TEX2: variants seen among roughly 807,000 people sequenced by gnomAD.
The protein encoded by TEX2 is testis-expressed protein 2.
In TEX2, 53 loss-of-function variants were observed where a neutral mutation model predicts 106.9. The ratio of observed to expected loss-of-function variants is 0.50; its 90% confidence interval spans 0.40 to 0.62. The LOEUF is 0.62. Ranked by LOEUF, TEX2 falls within the 20% of genes least tolerant of loss-of-function variation. The pLI is 0.00. For synonymous variants in TEX2, 523 were observed against 534.8 expected, an observed-to-expected ratio of 0.98 and a Z score of 0.30; for missense variants, 1,207 against 1,379.0, an observed-to-expected ratio of 0.88 and a Z score of 1.98.
intron 1 of TEX2, among the ~76,000 whole-genome samples, chr17:64,259,570 G>C (rs1555638259): frequency 6.6e-6 from 1 of 152,212 alleles, no homozygotes. Context: ...AGGGACAAGA[G>C]TCAGCCAAAG....
rs2030549635 is a variant in TEX2, at chr17:64,154,946, A to G, written c.2826T>C (p.Cys942=). Residue 942 remains cysteine, a synonymous_variant, in exon 9 of 12, where the codon TGT becomes TGC. Transcript: ENST00000584379. ...GKEGCRPRAF[C]LADSDEESSS... is the part of the protein sequence containing the mutation. ...AGGATTCCTCATCGCTGTCCGCCAG[A>G]CAGAATGCCCGGGGCCTGCAACTGG... 6.3e-7 allele frequency: 1 copy of G among 1,599,282 alleles called. No individual in the cohort carries two copies. The highest frequency in any genetic ancestry group is 1.3e-5 in the African/African-American group (1 of 74,568).
rs2033081724 is a variant in TEX2 at position 64,213,538 on chromosome 17, C to T, written c.680G>A (p.Arg227Gln). 17 of 1,614,036 alleles carry T rather than the reference C, an allele frequency of 1.1e-5. No homozygotes were observed. The highest frequency in any genetic ancestry group is 3.3e-5 in the South Asian group (3 of 91,072). ...ATAGGACACTGTATCCGACTCCTGCCGGGAAGTGTCCGTGGACAGAGACTT... is the reference window on the plus strand; with the variant it reads ...ATAGGACACTGTATCCGACTCCTGCTGGGAAGTGTCCGTGGACAGAGACTT... ...LVKSLSTDTS[R>Q]QESDTVSYKP... is the part of the protein sequence containing the mutation. Residue 227 changes from arginine to glutamine, a missense_variant, in exon 2 of 12, where the codon CGG becomes CAG. Arg to Gln is a conservative substitution (Grantham distance 43, BLOSUM62 1). This residue lies in a region of TEX2 where 1,067 missense variants were observed against 1,193.6 expected (regional missense o/e 0.89). Transcript: ENST00000584379. The surrounding 1 kb of genome is among the most constrained non-coding windows in gnomAD (Gnocchi z 4.4).
intron 1 of TEX2, among the ~76,000 whole-genome samples, chr17:64,254,142 T>G (rs1290996371): frequency 6.6e-6 from 1 of 152,198 alleles, no homozygotes; most frequent in Non-Finnish European, 1.5e-5. Flanking sequence ...TTGAGTTCTT[T>G]TCACTCAGAG....
At chr17:64,239,071 G>A (rs557874613) in intron 1 of TEX2, 2 of 152,306 alleles carry the variant, frequency 1.3e-5, no homozygotes, top group Admixed American at 1.3e-4. Context: ...AGGAAACTGA[G>A]TCAGAGAAAT....
chr17:64,235,328 G>A (rs993156261), intron 1 of TEX2, among the ~76,000 whole-genome samples: 7 of 152,336 alleles, frequency 4.6e-5, no homozygotes, highest in South Asian at 2.1e-4. Flanking sequence ...TGCCTCATGC[G>A]GATGCTTCCG....
In TEX2 at chr17:64,235,096, A is replaced by G. The variant is rs1378641619; in HGVS notation, c.-25-20854T>C. ...CCTGAACCAACAAGAACAACAATCA[A>G]CGTTTATGACTGCCAGCCCTCTAGC... On this transcript the variant is annotated intron_variant, in intron 1 of 11. Transcript: ENST00000584379. Among the ~76,000 whole-genome samples the G allele has an allele frequency of 2.0e-5, 3 of 152,308 alleles. No individual in the cohort carries two copies. The East Asian group carries it at 5.8e-4, about 29-fold the overall frequency.
At chr17:64,250,445 CATT>C (rs1222107402) in intron 1 of TEX2, among the ~76,000 whole-genome samples, 1 of 152,214 alleles carries the variant, frequency 6.6e-6, no homozygotes, top group Admixed American at 6.5e-5. Context: ...CATTTGTCAT[CATT>C]AAGTCCAACA....
chr17:64,233,179 A>G (rs2033693886), intron 1 of TEX2, among the ~76,000 whole-genome samples: 1 of 151,348 alleles, frequency 6.6e-6, no homozygotes, highest in Admixed American at 6.6e-5. Flanking sequence ...CAACTACCCC[A>G]CCCCCAAACA....
At chr17:64,169,178 A>G (rs2031282916) in intron 7 of TEX2, among the ~76,000 whole-genome samples, 1 of 152,086 alleles carries the variant, frequency 6.6e-6, no homozygotes, top group Non-Finnish European at 1.5e-5. Context: ...CACTGGGATT[A>G]CAGGCACACA....
At chr17:64,165,019 T>C (rs1404641682) in intron 7 of TEX2, among the ~76,000 whole-genome samples, 1 of 152,254 alleles carries the variant, frequency 6.6e-6, no homozygotes, top group Non-Finnish European at 1.5e-5. Flanking sequence ...CCTGCACACC[T>C]GAACTTGGTC....
intron 1 of TEX2, 138 bp from the exon 2 acceptor site, chr17:64,214,380 C>T: frequency 1.4e-6 from 1 of 713,544 alleles, no homozygotes; most frequent in South Asian, 1.9e-5. Flanking sequence ...CCGTTTTTCA[C>T]TTCATTGGGT....
intron 4 of TEX2, 144 bp from the exon 5 acceptor site, chr17:64,188,559 G>C: frequency 3.8e-6 from 5 of 1,326,972 alleles, no homozygotes; most frequent in Non-Finnish European, 5.1e-6. Flanking sequence ...GCTCACGCCT[G>C]TAATCCCAGC....
rs1567908719 is a variant in TEX2, at chr17:64,160,788, TA to T, written c.2804+12del. On this transcript the variant is annotated intron_variant, in intron 8 of 11. Transcript: ENST00000584379. ...CCAGGATTGGATTAGTAAATTCATA[TA>T]TAGCCCCTTACCCTTCTTTGCCAAT... 1 of 1,613,500 alleles carries T rather than the reference TA, an allele frequency of 6.2e-7. No homozygotes were observed. The highest frequency in any genetic ancestry group is 8.5e-7 in the Non-Finnish European group (1 of 1,179,754).
At chr17:64,179,662 C>T (rs1020120798) in intron 5 of TEX2, among the ~76,000 whole-genome samples, 5 of 152,006 alleles carry the variant, frequency 3.3e-5, no homozygotes, top group Admixed American at 6.6e-5. Context: ...GCCTAGGGTT[C>T]GCTTACGTTT....
intron 1 of TEX2, among the ~76,000 whole-genome samples, chr17:64,259,693 C>T (rs1206185715): frequency 6.6e-6 from 1 of 152,196 alleles, no homozygotes; most frequent in Non-Finnish European, 1.5e-5. Context: ...CCCAGTTAAC[C>T]ATTCATCCTG....
chr17:64,148,980 C>G lies in TEX2; in HGVS notation c.3373G>C (p.Asp1125His). 6.2e-7 allele frequency: 1 copy of G among 1,614,094 alleles called. No individual in the cohort carries two copies. The highest frequency in any genetic ancestry group is 1.3e-5 in the African/African-American group (1 of 75,040). ...TCTGACATCACCCATCATGGCTGAT[C>G]AGCAGCCTCCACAGGTGGGTCTTTC... Reference protein sequence around the residue: ...LLKDPPVEAADQP With the variant: ...LLKDPPVEAAHQP Residue 1125 changes from aspartate (D) to histidine (H), a missense_variant, in exon 12 of 12, where the codon GAT becomes CAT. Around this residue, in one of 3 missense-constraint regions of TEX2, gnomAD observed 77 missense variants for 73.2 expected, o/e 1.05. Coordinates refer to ENST00000584379, the MANE Select transcript of TEX2 (RefSeq NM_001288732.2).
intron 1 of TEX2, among the ~76,000 whole-genome samples, chr17:64,222,665 T>C (rs1179678302): frequency 6.6e-6 from 1 of 152,074 alleles, no homozygotes; most frequent in Non-Finnish European, 1.5e-5. Context: ...AAGATTTCAC[T>C]CTTCAAAACT....
In TEX2 at chr17:64,150,885, G is replaced by A; in HGVS notation, c.3217C>T (p.His1073Tyr). 1 of 1,613,766 alleles carries A rather than the reference G, an allele frequency of 6.2e-7. No individual in the cohort carries two copies. Among genetic ancestry groups the A allele is most frequent in the Non-Finnish European group, 8.5e-7 (1 of 1,179,904 alleles). ...TTCTTCTCTATCCAGTCTGTCACAT[G>A]AACTAAAGTCACTTCTCTCTCTCCA... The part of the protein sequence containing the change: ...KLGEREVTLV[H>Y]VTDWIEKKLE... The change falls in exon 11 of 12, where the codon CAT becomes TAT. Residue 1073 changes from histidine (H) to tyrosine (Y), a missense_variant. By Grantham distance (83) the His-to-Tyr change is moderately conservative. Transcript: ENST00000584379.
chr17:64,262,205 T>C (rs1369575380), intron 1 of TEX2, among the ~76,000 whole-genome samples: 1 of 152,136 alleles, frequency 6.6e-6, no homozygotes, highest in African/African-American at 2.4e-5. Context: ...GAGCCCACAA[T>C]TTTCCCTCAA....
Sources: allele counts gnomAD v4.1 joint callset (sites outside exome capture counted in the v4.1 genomes callset), GRCh38; gene constraint gnomAD v4.1.1; regional missense constraint gnomAD v4.1.1; non-coding constraint Gnocchi (gnomAD v3.1); transcripts MANE v1.5; gene names NCBI Gene and HGNC (gene_info 2026-07-23, HGNC 2026-07-21).